The following MTRF1 variants were observed in gnomAD, a reference collection of about 807,000 sequenced individuals.
MTRF1 encodes mitochondrial translation release factor 1.
In MTRF1, 51 loss-of-function variants were observed where a neutral mutation model predicts 62.9. The ratio of observed to expected loss-of-function variants is 0.81; its 90% confidence interval spans 0.65 to 1.02. MTRF1 has a LOEUF of 1.02. MTRF1 is among the 50% of genes least tolerant of loss of function. The pLI, the probability that MTRF1 is intolerant of heterozygous loss-of-function variation, is 0.00. For missense variants in MTRF1, 446 were observed against 530.0 expected (o/e 0.84, Z 1.56); for synonymous variants, 158 against 181.9 (o/e 0.87, Z 1.06).
intron 2 of MTRF1, among the ~76,000 whole-genome samples, chr13:41,256,219 C>T (rs181691024): frequency 6.6e-6 from 1 of 152,140 alleles, no homozygotes; most frequent in Non-Finnish European, 1.5e-5. Flanking sequence ...TGCCAGTGTG[C>T]CATAGGGGCA....
chr13:41,260,382 C>A, intron 2 of MTRF1, 111 bp downstream of exon 2: 1 of 1,077,114 alleles, frequency 9.3e-7, no homozygotes, highest in Non-Finnish European at 1.3e-6. Context: ...AGACTAAGTT[C>A]AATAAAGCTT....
intron 9 of MTRF1, 70 bp downstream of exon 9, chr13:41,223,186 A>G: frequency 8.4e-6 from 9 of 1,069,542 alleles, no homozygotes; most frequent in Non-Finnish European, 1.3e-5. Context: ...ATATCTACAT[A>G]TATGTTCTAG....
chr13:41,291,098 A>G, the MTRF1 span, among the ~76,000 whole-genome samples: 1 of 50 alleles, frequency 0.02, no homozygotes, highest in African/African-American at 0.071. Flanking sequence ...CTCCGTCTCA[A>G]AAAAAAAAAA....
chr13:41,224,496 G>A (rs1028149608), intron 8 of MTRF1, among the ~76,000 whole-genome samples: 5 of 152,114 alleles, frequency 3.3e-5, no homozygotes, highest in South Asian at 2.1e-4. Context: ...GGATTCCTAA[G>A]CCCAACCTCA....
the MTRF1 span, among the ~76,000 whole-genome samples, chr13:41,303,997 G>C: frequency 6.6e-6 from 1 of 152,266 alleles, no homozygotes; most frequent in Non-Finnish European, 1.5e-5. Flanking sequence ...TCTGTCTATA[G>C]AGTAGCTATT....
At chr13:41,223,558 G>T (rs2033825565) in intron 8 of MTRF1, among the ~76,000 whole-genome samples, 1 of 149,866 alleles carries the variant, frequency 6.7e-6, no homozygotes, top group African/African-American at 2.5e-5. Flanking sequence ...AAGAAGGAAT[G>T]TTTCTTTGAT....
chr13:41,295,758 T>C, the MTRF1 span, among the ~76,000 whole-genome samples: 1 of 152,092 alleles, frequency 6.6e-6, no homozygotes, highest in East Asian at 1.9e-4. Flanking sequence ...TGTGATTCTG[T>C]TTTGTTTTTC....
intron 5 of MTRF1, among the ~76,000 whole-genome samples, chr13:41,241,451 G>A (rs905231794): frequency 3.3e-5 from 5 of 152,132 alleles, no homozygotes; most frequent in African/African-American, 9.7e-5. Flanking sequence ...CCACCACTCA[G>A]GTCAAGAAAA....
Position 41,217,091 on chromosome 13 carries a change from T to G in MTRF1, c.*24A>C. 7.5e-7 allele frequency: 1 copy of G among 1,329,828 alleles called. No individual in the cohort carries two copies. The highest frequency in any genetic ancestry group is 1.8e-5 in the Admixed American group (1 of 55,680). 82.4% of individuals were successfully genotyped at this position (1,329,828 alleles called of 1,614,324 possible). ...ATATAGGTCCATTTCATTTATATAA[T>G]CATAAATAATAATAAGTTAGTATTT... On this transcript the variant is annotated 3_prime_UTR_variant, in exon 10 of 10. Coordinates refer to ENST00000379480, the MANE Select transcript of MTRF1 (RefSeq NM_004294.4).
chr13:41,269,004 A>C, the MTRF1 span, among the ~76,000 whole-genome samples: 48 of 148,622 alleles, frequency 3.2e-4, 1 homozygote, highest in African/African-American at 1.1e-3. Flanking sequence ...TTCTGGTTTG[A>C]CGTGACCATC....
At chr13:41,275,436 G>A in the MTRF1 span, among the ~76,000 whole-genome samples, 6 of 151,386 alleles carry the variant, frequency 4.0e-5, no homozygotes, top group South Asian at 2.1e-4. Flanking sequence ...CCCTGACCTC[G>A]TGATCTGCCC....
At chr13:41,224,912 T>C (rs1362081235) in intron 8 of MTRF1, among the ~76,000 whole-genome samples, 2 of 152,140 alleles carry the variant, frequency 1.3e-5, no homozygotes, top group African/African-American at 2.4e-5. Flanking sequence ...GAATACCTAT[T>C]TTAAAAATTA....
At chr13:41,260,940 T>TAAA (rs3215932) in intron 1 of MTRF1, 25 bp from the exon 2 acceptor site, 6 of 1,409,876 alleles carry the variant, frequency 4.3e-6, no homozygotes, top group Admixed American at 2.3e-5. Flanking sequence ...ACACAGTCTT[T>TAAA]AAAAAAAAAT....
At chr13:41,218,385 A>C (rs1833607095) in intron 9 of MTRF1, among the ~76,000 whole-genome samples, 1 of 150,098 alleles carries the variant, frequency 6.7e-6, no homozygotes, top group African/African-American at 2.5e-5. Flanking sequence ...CTGCCTCTCA[A>C]AGTGCTGGGA....
At chr13:41,287,829 C>G in the MTRF1 span, 2 of 286,614 alleles carry the variant, frequency 7.0e-6, no homozygotes, top group Non-Finnish European at 1.4e-5. Flanking sequence ...CGTTTTGAAC[C>G]CTCGCTATGT....
intron 8 of MTRF1, among the ~76,000 whole-genome samples, chr13:41,224,132 T>C (rs2033931601): frequency 6.6e-6 from 1 of 152,232 alleles, no homozygotes; most frequent in East Asian, 1.9e-4. Flanking sequence ...ATTATGTGTG[T>C]GTCGGTTATC....
At chr13:41,283,601 T>TTTTTTC in the MTRF1 span, among the ~76,000 whole-genome samples, 84 of 139,276 alleles carry the variant, frequency 6.0e-4, 4 homozygotes, top group African/African-American at 2.2e-3. Flanking sequence ...TTTTTTTTTT[T>TTTTTTC]TTTTTTGAGA....
intron 6 of MTRF1, among the ~76,000 whole-genome samples, chr13:41,237,138 G>A (rs1251434156): frequency 1.3e-5 from 2 of 150,142 alleles, no homozygotes; most frequent in Non-Finnish European, 3.0e-5. Context: ...AGAATCACTT[G>A]AGCCTGGGAG....
chr13:41,311,599 C>T, the MTRF1 span: 7 of 1,600,152 alleles, frequency 4.4e-6, no homozygotes, highest in Non-Finnish European at 6.0e-6. Context: ...GGCCGTAGGC[C>T]GCGCTGCCGC....
Sources: allele counts gnomAD v4.1 joint callset (sites outside exome capture counted in the v4.1 genomes callset), GRCh38; gene constraint gnomAD v4.1.1; transcripts MANE v1.5; gene names NCBI Gene and HGNC (gene_info 2026-07-23, HGNC 2026-07-21).